The following MEIS1 variants were observed in gnomAD, a reference collection of about 807,000 sequenced individuals.
The protein encoded by MEIS1 is homeobox protein Meis1.
MEIS1 carries 5 observed loss-of-function variants against 50.8 expected under a neutral mutation model. That is an observed-to-expected ratio of 0.10 (90% CI 0.05 to 0.21). MEIS1 has a LOEUF of 0.21. MEIS1 is among the 10% of genes least tolerant of loss of function. MEIS1 has a pLI of 1.00. For synonymous variants in MEIS1, 176 were observed against 179.3 expected (o/e 0.98, Z 0.15); for missense variants, 318 against 517.3 (o/e 0.61, Z 3.74).
At chr2:66,536,203 A>G (rs1208792781) in intron 8 of MEIS1, among the ~76,000 whole-genome samples, 2 of 152,258 alleles carry the variant, frequency 1.3e-5, no homozygotes, top group African/African-American at 4.8e-5. Flanking sequence ...TGGAGTAGTC[A>G]GAGAGGATTT....
At chr2:66,560,821 T>G (rs1675194983) in intron 9 of MEIS1, among the ~76,000 whole-genome samples, 1 of 152,076 alleles carries the variant, frequency 6.6e-6, no homozygotes, top group Non-Finnish European at 1.5e-5. Flanking sequence ...TCCTGTCTAT[T>G]CTCCTCCTGC....
At chr2:66,448,986 A>G (rs1428695094) in intron 6 of MEIS1, among the ~76,000 whole-genome samples, 1 of 152,160 alleles carries the variant, frequency 6.6e-6, no homozygotes, top group African/African-American at 2.4e-5. Flanking sequence ...TCATATTTGA[A>G]TCAAAGTACT....
At chr2:66,481,098 T>G (rs562193927) in intron 7 of MEIS1, among the ~76,000 whole-genome samples, 2 of 152,282 alleles carry the variant, frequency 1.3e-5, no homozygotes, top group African/African-American at 4.8e-5. Context: ...GTCTGCTGCC[T>G]CAGGCATCCT....
intron 7 of MEIS1, among the ~76,000 whole-genome samples, chr2:66,495,481 G>T (rs1316926738): frequency 6.6e-6 from 1 of 152,152 alleles, no homozygotes; most frequent in African/African-American, 2.4e-5. Context: ...CCTGACTTAT[G>T]GAGAGTTACT....
intron 6 of MEIS1, among the ~76,000 whole-genome samples, chr2:66,463,256 T>C (rs1402421484): frequency 6.6e-6 from 1 of 151,734 alleles, no homozygotes; most frequent in Admixed American, 6.6e-5. Flanking sequence ...CACTTCCTAG[T>C]GAAGGACCAG....
At chr2:66,462,024 C>T (rs1390521848) in intron 6 of MEIS1, 1 of 355,726 alleles carries the variant, frequency 2.8e-6, no homozygotes, top group Non-Finnish European at 5.7e-6. Flanking sequence ...ACATCCTGCA[C>T]AGTAGAAAAG....
At position 66,573,688 on chromosome 2, in the gene MEIS1, G is replaced by C. The variant is rs1022170833; in HGVS notation, c.*2480G>C. 1 of 152,130 alleles carries C rather than the reference G, an allele frequency of 6.6e-6. No homozygotes were observed. Among genetic ancestry groups the C allele is most frequent in the Non-Finnish European group, 1.5e-5 (1 of 68,042 alleles). The allele number at this position is 152,130 out of a possible 1,614,324, so 9.4% of individuals were successfully genotyped here. ...GCCTACTGCAGCCATCTCTGGCAGC[G>C]CTTCTACCCCTCCCCAGCCCATAGA... On this transcript the variant is annotated 3_prime_UTR_variant, in exon 13 of 13. Coordinates refer to ENST00000272369, the MANE Select transcript of MEIS1 (RefSeq NM_002398.3).
intron 7 of MEIS1, among the ~76,000 whole-genome samples, chr2:66,488,429 A>G (rs1478066995): frequency 6.6e-6 from 1 of 152,226 alleles, no homozygotes; most frequent in African/African-American, 2.4e-5. Context: ...CTGTAATCCC[A>G]GCACTTTGGG....
intron 8 of MEIS1, among the ~76,000 whole-genome samples, chr2:66,534,481 C>T (rs1240012941): frequency 6.6e-6 from 1 of 152,014 alleles, no homozygotes; most frequent in Non-Finnish European, 1.5e-5. Context: ...TTGCAGTGAG[C>T]CAAGATTGTG....
At chr2:66,508,158 G>C (rs999526163) in intron 7 of MEIS1, among the ~76,000 whole-genome samples, 23 of 152,328 alleles carry the variant, frequency 1.5e-4, no homozygotes, top group African/African-American at 5.5e-4. Flanking sequence ...CCCCCTGCTC[G>C]TTAGAAACCT....
chr2:66,521,300 G>C lies in MEIS1; in HGVS notation c.888+9006G>C, dbSNP rs1261483831. 3.3e-5 allele frequency among the ~76,000 whole-genome samples: 5 copies of C among 152,082 alleles called. No homozygotes were observed. The East Asian group carries it at 9.7e-4, about 29-fold the overall frequency. ...CTGTGATAGTGCTTTGGGGGGTGAA[G>C]AATCTTTCCTCATGCAGATCCTAAC... is the stretch of plus-strand genomic sequence containing the variant. On this transcript the variant is annotated intron_variant, in intron 8 of 12. Coordinates refer to ENST00000272369, the MANE Select transcript of MEIS1 (RefSeq NM_002398.3).
chr2:66,510,797 A>G (rs998491227), intron 7 of MEIS1, among the ~76,000 whole-genome samples: 1 of 152,204 alleles, frequency 6.6e-6, no homozygotes, highest in Admixed American at 6.5e-5. Flanking sequence ...CATACCTACT[A>G]TAGATTAGAC....
At chr2:66,468,569 C>A (rs936562527) in intron 7 of MEIS1, among the ~76,000 whole-genome samples, 1 of 152,196 alleles carries the variant, frequency 6.6e-6, no homozygotes, top group Non-Finnish European at 1.5e-5. Flanking sequence ...GGCCACACAC[C>A]GGCTGGTGCT....
Position 66,439,966 on chromosome 2 carries a change from A to T in MEIS1, c.363A>T (p.Ile121=). The change falls in exon 3 of 13, where the codon ATA becomes ATT. Residue 121 remains isoleucine, a synonymous_variant. Transcript: ENST00000272369. ...CGTCAGAGTCATTCAATGAAGATAT[A>T]GCCGTGTTCGCCAAACAGGTCAGCA... The part of the protein sequence containing the change: ...VCSSESFNED[I]AVFAKQIRAE... 1 of 1,612,492 alleles carries T rather than the reference A, an allele frequency of 6.2e-7. No homozygotes were observed. Among genetic ancestry groups the T allele is most frequent in the Non-Finnish European group, 8.5e-7 (1 of 1,179,256 alleles).
chr2:66,473,145 A>G (rs11893112), intron 7 of MEIS1, among the ~76,000 whole-genome samples: 45,501 of 151,214 alleles, frequency 0.3, 9,708 homozygotes, highest in African/African-American at 0.61. Context: ...TTGGGACGCC[A>G]AGGTGGGCGG....
chr2:66,473,410 A>G (rs1161137447), intron 7 of MEIS1, among the ~76,000 whole-genome samples: 1 of 142,190 alleles, frequency 7.0e-6, no homozygotes, highest in Non-Finnish European at 1.5e-5. Context: ...ATATATATAT[A>G]TATATATAGT....
intron 7 of MEIS1, among the ~76,000 whole-genome samples, chr2:66,505,217 C>T (rs1673658201): frequency 6.6e-6 from 1 of 151,952 alleles, no homozygotes; most frequent in African/African-American, 2.4e-5. Flanking sequence ...AGTTTGAGAC[C>T]AGCCTGGGAA....
intron 8 of MEIS1, among the ~76,000 whole-genome samples, chr2:66,514,243 A>G (rs531264613): frequency 6.6e-6 from 1 of 152,330 alleles, no homozygotes; most frequent in Admixed American, 6.5e-5. Flanking sequence ...GGAGAGAGAG[A>G]AGCAAGCTAT....
intron 3 of MEIS1, 49 bp from the exon 4 acceptor site, chr2:66,440,513 T>G: frequency 6.5e-7 from 1 of 1,534,554 alleles, no homozygotes; most frequent in Non-Finnish European, 9.0e-7. Context: ...AATTTTTCTT[T>G]CTTTTTTCTC....
Sources: allele counts gnomAD v4.1 joint callset (sites outside exome capture counted in the v4.1 genomes callset), GRCh38; gene constraint gnomAD v4.1.1; transcripts MANE v1.5; gene names NCBI Gene and HGNC (gene_info 2026-07-23, HGNC 2026-07-21).